GCM1: variants seen among roughly 807,000 people sequenced by gnomAD.
GCM1 encodes GCM transcription factor 1.
In GCM1, 2 loss-of-function variants were observed where a neutral mutation model predicts 25.7. The ratio of observed to expected loss-of-function variants is 0.08; its 90% confidence interval spans 0.03 to 0.24. GCM1 has a LOEUF of 0.24. Among genes scored for constraint, GCM1 ranks in the 10% least tolerant of loss-of-function variants. GCM1 has a pLI of 1.00. For missense variants in GCM1, 395 were observed against 538.7 expected (o/e 0.73, Z 2.64); for synonymous variants, 183 against 195.7 (o/e 0.94, Z 0.54).
At chr6:53,144,125 A>T (rs756224294) in intron 2 of GCM1, among the ~76,000 whole-genome samples, 2 of 152,226 alleles carry the variant, frequency 1.3e-5, no homozygotes, top group Admixed American at 6.5e-5. Flanking sequence ...AAACAGTGAT[A>T]CATGTTGAAA....
At chr6:53,142,864 G>T (rs1429944732) in intron 2 of GCM1, among the ~76,000 whole-genome samples, 1 of 33,102 alleles carries the variant, frequency 3.0e-5, no homozygotes, top group African/African-American at 1.2e-4. Context: ...ACAACTCAAG[G>T]ATCTCCAAAA....
intron 4 of GCM1, 124 bp downstream of exon 4, chr6:53,131,883 T>C (rs570195073): frequency 4.3e-6 from 3 of 692,422 alleles, no homozygotes; most frequent in Admixed American, 2.1e-5. Flanking sequence ...AGGGGACAGA[T>C]ACTTGCTCTC....
At chr6:53,138,958 TATATA>T (rs2127509678) in intron 2 of GCM1, among the ~76,000 whole-genome samples, 1 of 152,336 alleles carries the variant, frequency 6.6e-6, no homozygotes, top group African/African-American at 2.4e-5. Flanking sequence ...TATGTATTGT[TATATA>T]AAACTAATCA....
intron 3 of GCM1, 57 bp from the exon 4 acceptor site, chr6:53,132,176 T>G (rs1484172129): frequency 1.9e-6 from 2 of 1,069,348 alleles, no homozygotes; most frequent in Non-Finnish European, 2.9e-6. Context: ...GGTTGTTGAC[T>G]CCTGTGCAGT....
intron 2 of GCM1, among the ~76,000 whole-genome samples, chr6:53,144,877 T>G (rs1168495265): frequency 7.5e-6 from 1 of 132,974 alleles, no homozygotes; most frequent in African/African-American, 2.9e-5. Context: ...ATAGCACTAC[T>G]GCACTCCAAC....
chr6:53,143,922 A>G (rs748318296), intron 2 of GCM1, among the ~76,000 whole-genome samples: 2 of 152,172 alleles, frequency 1.3e-5, no homozygotes, highest in Non-Finnish European at 2.9e-5. Context: ...GAACAGTTAC[A>G]AAGATAGAGG....
chr6:53,148,234 C>T (rs747222869), intron 1 of GCM1, among the ~76,000 whole-genome samples: 10 of 152,230 alleles, frequency 6.6e-5, no homozygotes, highest in African/African-American at 9.6e-5. Flanking sequence ...TGAACAGTAA[C>T]GATATTGTCT....
In GCM1 at chr6:53,143,377, A is replaced by G. The variant is rs544008044; in HGVS notation, c.75+2181T>C. ...GGAAAGAGGTCTTCATCTCTTGTTTATGGATCTGATGAAGAATCCTGTCCC... is the reference window on the plus strand; with the variant it reads ...GGAAAGAGGTCTTCATCTCTTGTTTGTGGATCTGATGAAGAATCCTGTCCC... On this transcript the variant is annotated intron_variant, in intron 2 of 5. Transcript: ENST00000259803. Among the ~76,000 whole-genome samples the G allele has an allele frequency of 1.1e-4, 17 of 152,274 alleles. No homozygotes were observed. In the East Asian group the frequency reaches 2.9e-3, roughly 26 times the overall value.
chr6:53,145,645 C>T lies in GCM1; in HGVS notation c.-13G>A. The T allele has an allele frequency of 6.5e-7, 1 of 1,539,978 alleles. No individual in the cohort carries two copies. Among genetic ancestry groups the T allele is most frequent in the Non-Finnish European group, 9.0e-7 (1 of 1,113,280 alleles). Reference sequence around the variant, plus strand: ...CGTCAGGTTCCATGATAAGGTCAGGCCAGCCAAGGTTTTCACCTATTCGAC... The same window carrying T: ...CGTCAGGTTCCATGATAAGGTCAGGTCAGCCAAGGTTTTCACCTATTCGAC... On this transcript the variant is annotated 5_prime_UTR_variant, in exon 2 of 6. Transcript: ENST00000259803.
At chr6:53,140,612 G>A (rs912902853) in intron 2 of GCM1, among the ~76,000 whole-genome samples, 1 of 150,016 alleles carries the variant, frequency 6.7e-6, no homozygotes, top group Non-Finnish European at 1.5e-5. Context: ...GGTTTAATTT[G>A]CAAACTGCTC....
Position 53,146,225 on chromosome 6 carries a change from T to TAA in GCM1, c.-136-458_-136-457insTT, listed in dbSNP as rs1430197087. On this transcript the variant is annotated intron_variant, in intron 1 of 5. Transcript: ENST00000259803. Reference sequence around the variant, plus strand: ...ATATATATATATATATATTTTTTTTTTTTTTTTTTTTTGAGATGGAGTCTC... The same window carrying TAA: ...ATATATATATATATATATTTTTTTTTAATTTTTTTTTTTTGAGATGGAGTCTC... Among the ~76,000 whole-genome samples, 4 of 90,796 alleles carry TAA rather than the reference T, an allele frequency of 4.4e-5. No homozygotes were observed. In the East Asian group the frequency reaches 1.1e-3, roughly 26 times the overall value. 59.6% of individuals were successfully genotyped at this position (90,796 alleles called of 152,430 possible).
At chr6:53,145,427 T>C (rs1402211851) in intron 2 of GCM1, 131 bp downstream of exon 2, 1 of 694,902 alleles carries the variant, frequency 1.4e-6, no homozygotes, top group African/African-American at 1.8e-5. Flanking sequence ...GTCGGCTGTC[T>C]AGCTGAAACT....
At chr6:53,132,176 T>C in intron 3 of GCM1, 57 bp from the exon 4 acceptor site, 1 of 1,069,466 alleles carries the variant, frequency 9.4e-7, no homozygotes, top group Admixed American at 1.7e-5. Context: ...GGTTGTTGAC[T>C]CCTGTGCAGT....
intron 2 of GCM1, among the ~76,000 whole-genome samples, chr6:53,139,909 T>G (rs1310891452): frequency 1.3e-5 from 2 of 152,136 alleles, no homozygotes; most frequent in African/African-American, 4.8e-5. Flanking sequence ...AGTTCCTTAT[T>G]TACTCTGAAA....
chr6:53,139,634 G>A (rs1025525636), intron 2 of GCM1, among the ~76,000 whole-genome samples: 7 of 152,096 alleles, frequency 4.6e-5, no homozygotes, highest in African/African-American at 1.7e-4. Flanking sequence ...TTGGGAAGCT[G>A]AGGTGGGCAG....
Position 53,127,439 on chromosome 6 carries a change from C to T in GCM1, c.*767G>A, listed in dbSNP as rs1264962030. ...TTCAGTGGTAGAATCTTCAGCTTTTCACACCTTAGGCAGTTCTTCCACCAT... is the reference window on the plus strand; with the variant it reads ...TTCAGTGGTAGAATCTTCAGCTTTTTACACCTTAGGCAGTTCTTCCACCAT... On this transcript the variant is annotated 3_prime_UTR_variant, in exon 6 of 6. Coordinates refer to ENST00000259803, the MANE Select transcript of GCM1 (RefSeq NM_003643.4). 1 of 152,220 alleles carries T rather than the reference C, an allele frequency of 6.6e-6. No individual in the cohort carries two copies. The highest frequency in any genetic ancestry group is 1.5e-5 in the Non-Finnish European group (1 of 68,042). 9.4% of individuals were successfully genotyped at this position (152,220 alleles called of 1,614,324 possible).
intron 2 of GCM1, among the ~76,000 whole-genome samples, chr6:53,139,619 G>A (rs920691721): frequency 6.6e-6 from 1 of 151,978 alleles, no homozygotes; most frequent in Non-Finnish European, 1.5e-5. Flanking sequence ...TGTAATCCCG[G>A]CACTTTGGGA....
chr6:53,138,177 G>A (rs569816047), intron 2 of GCM1, among the ~76,000 whole-genome samples: 1 of 151,474 alleles, frequency 6.6e-6, no homozygotes, highest in Admixed American at 6.6e-5. Context: ...AGTTACTCAG[G>A]AGGCTGAGGC....
In GCM1 at chr6:53,128,851, T is replaced by G. The variant is rs1199241006; in HGVS notation, c.666A>C (p.Leu222Phe). The change falls in exon 6 of 6, where the codon TTA (leucine) becomes TTC (phenylalanine). Residue 222 changes from leucine (L) to phenylalanine (F), a missense_variant. Physicochemically the swap from Leu to Phe is conservative, Grantham distance 22 (BLOSUM62 0). Coordinates refer to ENST00000259803, the MANE Select transcript of GCM1 (RefSeq NM_003643.4). ...VQLPGSYSGH[L>F]IANTPQQNSL... Reference sequence around the variant, plus strand: ...AGTTCTGCTGAGGAGTGTTAGCTATTAAATGTCCACTGTAACTACCAGGCA... The same window carrying G: ...AGTTCTGCTGAGGAGTGTTAGCTATGAAATGTCCACTGTAACTACCAGGCA... 2 of 1,612,646 alleles carry G rather than the reference T, an allele frequency of 1.2e-6. No homozygotes were observed. The highest frequency in any genetic ancestry group is 2.7e-5 in the African/African-American group (2 of 74,878).
Sources: allele counts gnomAD v4.1 joint callset (sites outside exome capture counted in the v4.1 genomes callset), GRCh38; gene constraint gnomAD v4.1.1; transcripts MANE v1.5; gene names NCBI Gene and HGNC (gene_info 2026-07-23, HGNC 2026-07-21).